The following CRYBG1 variants were observed in gnomAD, a reference collection of about 807,000 sequenced individuals.
CRYBG1 encodes beta/gamma crystallin domain-containing protein 1.
In CRYBG1, 139 loss-of-function variants were observed where a neutral mutation model predicts 189.2. That is an observed-to-expected ratio of 0.73 (90% CI 0.64 to 0.85). CRYBG1 has a LOEUF of 0.85. CRYBG1 is among the 40% of genes least tolerant of loss of function. The probability of loss-of-function intolerance (pLI) is 0.00; values close to 1 mark genes in which losing one functional copy is unlikely to be tolerated. For synonymous variants in CRYBG1, 1,023 were observed against 1,017.1 expected (o/e 1.01, Z -0.11); for missense variants, 2,611 against 2,675.8 (o/e 0.98, Z 0.53).
intron 2 of CRYBG1, among the ~76,000 whole-genome samples, chr6:106,503,209 A>G (rs1446625891): frequency 6.6e-6 from 1 of 152,212 alleles, no homozygotes; most frequent in Non-Finnish European, 1.5e-5. Context: ...GAACCTAACC[A>G]AATCCTAAGG....
At chr6:106,544,089 A>G (rs537044496) in intron 11 of CRYBG1, among the ~76,000 whole-genome samples, 1 of 152,352 alleles carries the variant, frequency 6.6e-6, no homozygotes, top group Admixed American at 6.5e-5. Flanking sequence ...AGTTGATCAA[A>G]TCTACAACCT....
At chr6:106,407,904 G>A (rs1770854847) in intron 1 of CRYBG1, among the ~76,000 whole-genome samples, 1 of 152,118 alleles carries the variant, frequency 6.6e-6, no homozygotes, top group South Asian at 2.1e-4. Context: ...AGCACTAAAT[G>A]CCCACAAGAG....
At chr6:106,540,961 C>A (rs1206791373) in intron 9 of CRYBG1, among the ~76,000 whole-genome samples, 1 of 152,066 alleles carries the variant, frequency 6.6e-6, no homozygotes, top group Non-Finnish European at 1.5e-5. Context: ...TATTTTATAA[C>A]AACCCCTCAT....
chr6:106,416,148 T>C (rs1771016821), intron 1 of CRYBG1, among the ~76,000 whole-genome samples: 2 of 152,188 alleles, frequency 1.3e-5, no homozygotes, highest in Admixed American at 1.3e-4. Flanking sequence ...AAGCCAGCAC[T>C]ACCCTCTGTG....
intron 1 of CRYBG1, among the ~76,000 whole-genome samples, chr6:106,440,038 A>G (rs1222144824): frequency 6.6e-6 from 1 of 152,188 alleles, no homozygotes; most frequent in African/African-American, 2.4e-5. Flanking sequence ...GAGCTGTACA[A>G]GAAGCCTGTG....
intron 1 of CRYBG1, among the ~76,000 whole-genome samples, chr6:106,389,588 G>A (rs1324924440): frequency 6.6e-6 from 1 of 150,790 alleles, no homozygotes; most frequent in Non-Finnish European, 1.5e-5. Context: ...GTTTGTCTTT[G>A]CAAGTCACAT....
chr6:106,547,244 G>A (rs965621903), intron 13 of CRYBG1, among the ~76,000 whole-genome samples: 4 of 152,062 alleles, frequency 2.6e-5, no homozygotes, highest in Non-Finnish European at 4.4e-5. Context: ...GCATATGGAA[G>A]GGCTTTTGTA....
At chr6:106,469,241 G>A (rs1453129688) in intron 2 of CRYBG1, among the ~76,000 whole-genome samples, 1 of 152,156 alleles carries the variant, frequency 6.6e-6, no homozygotes, top group Non-Finnish European at 1.5e-5. Flanking sequence ...CTTCTTATTG[G>A]TCACAGCTTA....
chr6:106,512,388 C>G lies in CRYBG1; in HGVS notation c.1271C>G (p.Ser424Trp). Residue 424 changes from serine to tryptophan, a missense_variant, in exon 3 of 22, where the codon TCG becomes TGG. By Grantham distance (177) the Ser-to-Trp change is radical. Around this residue, in one of 3 missense-constraint regions of CRYBG1, gnomAD observed 985 missense variants for 924.4 expected, o/e 1.07. Transcript: ENST00000633556. The stretch of plus-strand genomic sequence containing the variant: ...CGTAGGTCGGGGAGGCGGAGGGGGT[C>G]GCAGAAATCCACCGACTCCCCCGGC... ...SGRRSGRRRG[S>W]QKSTDSPGAD... The G allele has an allele frequency of 1.2e-6, 2 of 1,610,328 alleles. No individual in the cohort carries two copies. Among genetic ancestry groups the G allele is most frequent in the East Asian group, 2.2e-5 (1 of 44,732 alleles).
At chr6:106,494,079 C>T (rs1772786227) in intron 2 of CRYBG1, among the ~76,000 whole-genome samples, 1 of 152,152 alleles carries the variant, frequency 6.6e-6, no homozygotes, top group Non-Finnish European at 1.5e-5. Flanking sequence ...CATATGCATA[C>T]AACATAGATA....
In CRYBG1 at chr6:106,494,986, A is replaced by G. The variant is rs538780919; in HGVS notation, c.313-16444A>G. 2.0e-4 allele frequency among the ~76,000 whole-genome samples: 31 copies of G among 152,280 alleles called. No homozygotes were observed. The South Asian group carries it at 3.5e-3, about 17-fold the overall frequency. ...TTCTTTCTCTACCTACTTCCTATCT[A>G]CCTATAATCCTATAATCAGGTTTTT... On this transcript the variant is annotated intron_variant, in intron 2 of 21. Transcript: ENST00000633556.
At chr6:106,401,116 G>A (rs183082893) in intron 1 of CRYBG1, among the ~76,000 whole-genome samples, 2 of 152,274 alleles carry the variant, frequency 1.3e-5, no homozygotes, top group African/African-American at 4.8e-5. Context: ...ATAAAAGGAA[G>A]TGCAAAAGGA....
At chr6:106,473,246 A>T (rs1404924553) in intron 2 of CRYBG1, among the ~76,000 whole-genome samples, 1 of 151,852 alleles carries the variant, frequency 6.6e-6, no homozygotes, top group Non-Finnish European at 1.5e-5. Flanking sequence ...CCACCACCCC[A>T]CTCCACTTGA....
At chr6:106,389,830 T>C (rs1347981967) in intron 1 of CRYBG1, among the ~76,000 whole-genome samples, 1 of 152,090 alleles carries the variant, frequency 6.6e-6, no homozygotes, top group African/African-American at 2.4e-5. Context: ...TCGACTCCTA[T>C]AGTGAGAGGC....
Position 106,519,197 on chromosome 6 carries a change from T to G in CRYBG1, c.1989T>G (p.Asn663Lys). ...KTPKNLDSLG[N>K]EHNPFSQPVH... ...CTAAGAATCTTGACAGTTTGGGAAATGAGCACAATCCATTTAGCCAGCCAG... is the reference window on the plus strand; with the variant it reads ...CTAAGAATCTTGACAGTTTGGGAAAGGAGCACAATCCATTTAGCCAGCCAG... The change falls in exon 4 of 22, where the codon AAT becomes AAG. Residue 663 changes from asparagine (N) to lysine (K), a missense_variant. Around this residue, in one of 3 missense-constraint regions of CRYBG1, gnomAD observed 985 missense variants for 924.4 expected, o/e 1.07. Coordinates refer to ENST00000633556, the MANE Select transcript of CRYBG1 (RefSeq NM_001371242.2). The G allele has an allele frequency of 1.2e-6, 2 of 1,614,114 alleles. No homozygotes were observed. Among genetic ancestry groups the G allele is most frequent in the Non-Finnish European group, 1.7e-6 (2 of 1,180,030 alleles).
intron 1 of CRYBG1, among the ~76,000 whole-genome samples, chr6:106,382,785 A>G (rs1370355589): frequency 6.6e-6 from 1 of 152,194 alleles, no homozygotes; most frequent in Non-Finnish European, 1.5e-5. Flanking sequence ...TGCTATTGGC[A>G]TGCAAAAGCT....
chr6:106,444,158 G>A (rs1483539378), intron 1 of CRYBG1, among the ~76,000 whole-genome samples: 3 of 152,104 alleles, frequency 2.0e-5, no homozygotes. Context: ...TCTTTGGGGA[G>A]TATTGACACT....
At chr6:106,481,129 A>G (rs1772443429) in intron 2 of CRYBG1, among the ~76,000 whole-genome samples, 2 of 104,010 alleles carry the variant, frequency 1.9e-5, no homozygotes, top group Non-Finnish European at 1.8e-5. Context: ...GCCCGCCACC[A>G]CGCCCGGCTA....
intron 2 of CRYBG1, among the ~76,000 whole-genome samples, chr6:106,483,402 A>ATATATATATGTGTATATATATATATATAT (rs1361096436): frequency 1.1e-5 from 1 of 88,306 alleles, no homozygotes; most frequent in Non-Finnish European, 2.9e-5. Context: ...ATATATATAT[A>ATATATATATGTGTATATATATATATATAT]AAACATTTTC....
Sources: allele counts gnomAD v4.1 joint callset (sites outside exome capture counted in the v4.1 genomes callset), GRCh38; gene constraint gnomAD v4.1.1; regional missense constraint gnomAD v4.1.1; transcripts MANE v1.5; gene names NCBI Gene and HGNC (gene_info 2026-07-23, HGNC 2026-07-21).